CRPPA: variants seen among roughly 807,000 people sequenced by gnomAD.
CRPPA encodes the protein D-ribitol-5-phosphate cytidylyltransferase.
A neutral mutation model predicts 52.0 loss-of-function variants in CRPPA; 43 were observed. The ratio of observed to expected loss-of-function variants is 0.83; its 90% CI spans 0.65 to 1.07. CRPPA has a LOEUF of 1.07. CRPPA is among the 50% of genes least tolerant of loss of function. The pLI is 0.00. For missense variants in CRPPA, 629 were observed against 551.7 expected, an observed-to-expected ratio of 1.14 and a Z score of -1.40; for synonymous variants, 250 against 203.5, an observed-to-expected ratio of 1.23 and a Z score of -1.94.
intron 9 of CRPPA, among the ~76,000 whole-genome samples, chr7:16,180,599 A>G (rs1436362002): frequency 3.3e-5 from 5 of 152,058 alleles, no homozygotes; most frequent in Non-Finnish European, 7.4e-5. Flanking sequence ...AAATCATACA[A>G]TGGAATATAT....
Position 16,227,595 on chromosome 7 carries a change from G to GT in CRPPA, c.1120-11399dup, listed in dbSNP as rs927957174. ...TCTTGTTTTCTTGATATAGAGCCAA[G>GT]TTTTTTTACATAATTCTGATATTAA... is the stretch of plus-strand genomic sequence containing the variant. On this transcript the variant is annotated intron_variant, in intron 8 of 9. Transcript: ENST00000407010. Among the ~76,000 whole-genome samples the GT allele has an allele frequency of 1.3e-4, 19 of 151,812 alleles. No homozygotes were observed. The East Asian group carries it at 2.7e-3, about 22-fold the overall frequency.
chr7:16,111,165 G>A (rs1782256258), intron 9 of CRPPA, among the ~76,000 whole-genome samples: 1 of 151,948 alleles, frequency 6.6e-6, no homozygotes, highest in African/African-American at 2.4e-5. Context: ...CGGCCAACAA[G>A]TGTATGAAAA....
chr7:16,242,274 G>A (rs775264964), intron 8 of CRPPA, among the ~76,000 whole-genome samples: 5 of 151,824 alleles, frequency 3.3e-5, no homozygotes, highest in Admixed American at 2.6e-4. Context: ...TTTTTAAAGT[G>A]ATTTTTACAT....
At chr7:16,128,722 C>A (rs549472101) in intron 9 of CRPPA, among the ~76,000 whole-genome samples, 8 of 151,990 alleles carry the variant, frequency 5.3e-5, no homozygotes, top group Non-Finnish European at 1.2e-4. Flanking sequence ...TCCCTAATAA[C>A]AAACCACTTC....
chr7:16,389,130 A>G (rs1029072152), intron 2 of CRPPA, among the ~76,000 whole-genome samples: 10 of 152,204 alleles, frequency 6.6e-5, no homozygotes, highest in African/African-American at 1.9e-4. Flanking sequence ...AATTTTTCAC[A>G]AAGAAAAGCC....
intron 8 of CRPPA, among the ~76,000 whole-genome samples, chr7:16,230,755 T>TTGGA (rs1441240201): frequency 6.6e-6 from 1 of 152,206 alleles, no homozygotes; most frequent in Non-Finnish European, 1.5e-5. Context: ...AAGTAGATAC[T>TTGGA]TATCCAAGTC....
At chr7:16,420,978 T>A in intron 1 of CRPPA, 88 bp downstream of exon 1, 1 of 1,119,570 alleles carries the variant, frequency 8.9e-7, no homozygotes, top group Non-Finnish European at 1.2e-6. Context: ...GTCCCCCAAG[T>A]GAAGGTGCTA....
intron 1 of CRPPA, among the ~76,000 whole-genome samples, chr7:16,417,797 T>C (rs914606255): frequency 6.8e-6 from 1 of 146,516 alleles, no homozygotes; most frequent in African/African-American, 2.5e-5. Context: ...GTTGAAGTTA[T>C]AAAAAAAAAA....
intron 8 of CRPPA, among the ~76,000 whole-genome samples, chr7:16,218,141 A>G (rs1782383824): frequency 6.6e-6 from 1 of 152,114 alleles, no homozygotes; most frequent in Admixed American, 6.5e-5. Context: ...AATATTCAAC[A>G]TTCTTAAAGA....
chr7:16,131,491 G>T (rs1425919276), intron 9 of CRPPA, among the ~76,000 whole-genome samples: 3 of 152,202 alleles, frequency 2.0e-5, no homozygotes, highest in African/African-American at 7.2e-5. Context: ...GCTGAAATGT[G>T]ACCTGGGCTC....
At position 16,209,273 on chromosome 7, in the gene CRPPA, C is replaced by CTTTTTTTTTTTTTTTTT. The variant is rs34795937; in HGVS notation, c.1251+6776_1251+6792dup. On this transcript the variant is annotated intron_variant, in intron 9 of 9. Coordinates refer to ENST00000407010, the MANE Select transcript of CRPPA (RefSeq NM_001101426.4). ...GGCCAAGTAATACGGTTCTAAGTGT[C>CTTTTTTTTTTTTTTTTT]TTTTTTTTTTTTTTTTTGAGACGAG... 106 of 123,080 alleles carry CTTTTTTTTTTTTTTTTT rather than the reference C, an allele frequency of 8.6e-4. 9 individuals carry two copies. The highest frequency in any genetic ancestry group is 1.5e-3 in the Non-Finnish European group (84 of 55,880). 7.6% of individuals were successfully genotyped at this position (123,080 alleles called of 1,614,324 possible). A position where few individuals can be genotyped will look rare whatever the true frequency, so the allele number is the denominator to read the frequency against.
intron 8 of CRPPA, among the ~76,000 whole-genome samples, chr7:16,241,597 T>C (rs992543312): frequency 1.7e-4 from 26 of 152,318 alleles, no homozygotes; most frequent in African/African-American, 6.0e-4. Flanking sequence ...ATTAAACACT[T>C]ATTTGGTACA....
At chr7:16,230,149 T>TAA (rs1285709527) in intron 8 of CRPPA, among the ~76,000 whole-genome samples, 2 of 152,154 alleles carry the variant, frequency 1.3e-5, no homozygotes, top group Non-Finnish European at 2.9e-5. Context: ...ATTGGAGACC[T>TAA]TTGACATTTC....
At chr7:16,271,498 C>T (rs1358122472) in intron 6 of CRPPA, among the ~76,000 whole-genome samples, 1 of 152,090 alleles carries the variant, frequency 6.6e-6, no homozygotes, top group Non-Finnish European at 1.5e-5. Context: ...AAAAAGCCTA[C>T]AAGGCTCTTT....
At chr7:16,345,831 G>A (rs970704148) in intron 3 of CRPPA, among the ~76,000 whole-genome samples, 77 of 152,140 alleles carry the variant, frequency 5.1e-4, no homozygotes, top group Non-Finnish European at 8.8e-5. Context: ...GAAATCTGCT[G>A]CTACAACTAG....
At chr7:16,165,041 C>T (rs1031738003) in intron 9 of CRPPA, among the ~76,000 whole-genome samples, 6 of 151,972 alleles carry the variant, frequency 3.9e-5, no homozygotes, top group South Asian at 2.1e-4. Flanking sequence ...CTGGGAGATC[C>T]GCTGCTACCT....
intron 9 of CRPPA, among the ~76,000 whole-genome samples, chr7:16,117,216 C>T (rs1438206164): frequency 6.6e-6 from 1 of 152,162 alleles, no homozygotes. Flanking sequence ...GGTTGTTTCT[C>T]TCTCTTTATT....
At chr7:16,169,833 C>T (rs1781141886) in intron 9 of CRPPA, among the ~76,000 whole-genome samples, 1 of 152,156 alleles carries the variant, frequency 6.6e-6, no homozygotes, top group African/African-American at 2.4e-5. Context: ...CAATGGAAAA[C>T]AATTCCCCTT....
At chr7:16,337,076 G>C (rs1427944383) in intron 3 of CRPPA, among the ~76,000 whole-genome samples, 1 of 152,010 alleles carries the variant, frequency 6.6e-6, no homozygotes, top group Admixed American at 6.6e-5. Context: ...ACCGACCATT[G>C]AGAAAGAAAA....
Sources: allele counts gnomAD v4.1 joint callset (sites outside exome capture counted in the v4.1 genomes callset), GRCh38; gene constraint gnomAD v4.1.1; transcripts MANE v1.5; gene names NCBI Gene and HGNC (gene_info 2026-07-23, HGNC 2026-07-21).